MDFIC: variants seen among roughly 807,000 people sequenced by gnomAD.
MDFIC encodes the protein MyoD family inhibitor domain containing, also known as myoD family inhibitor domain-containing protein.
Under a neutral mutation model 23.2 loss-of-function variants are expected in MDFIC, and 17 were observed. That is an observed-to-expected ratio of 0.73 (90% CI 0.50 to 1.10). The LOEUF is 1.10. Ranked by LOEUF, MDFIC falls within the 50% of genes least tolerant of loss-of-function variation. The probability of loss-of-function intolerance (pLI) is 0.00; values close to 1 mark genes in which losing one functional copy is unlikely to be tolerated. For missense variants in MDFIC, 356 were observed against 316.6 expected (o/e 1.12, Z -0.95); for synonymous variants, 120 against 115.2 (o/e 1.04, Z -0.27).
chr7:114,940,070 T>C (rs1792508308), intron 2 of MDFIC, among the ~76,000 whole-genome samples: 1 of 152,220 alleles, frequency 6.6e-6, no homozygotes, highest in Non-Finnish European at 1.5e-5. Flanking sequence ...AAAGTAAAGA[T>C]TTTAATTGAA....
intron 3 of MDFIC, among the ~76,000 whole-genome samples, chr7:114,973,504 C>T (rs1404022231): frequency 1.3e-5 from 2 of 152,114 alleles, no homozygotes; most frequent in Non-Finnish European, 2.9e-5. Context: ...CATACCTGAA[C>T]CTAACTGCAA....
intron 4 of MDFIC, among the ~76,000 whole-genome samples, chr7:114,990,419 T>A (rs1471983963): frequency 1.3e-5 from 2 of 152,166 alleles, no homozygotes; most frequent in Admixed American, 1.3e-4. Flanking sequence ...GTTACATATG[T>A]CTACATGTGC....
At position 114,971,857 on chromosome 7, in the gene MDFIC, G is replaced by T. The variant is rs185546200; in HGVS notation, c.218-7649G>T. On this transcript the variant is annotated intron_variant, in intron 3 of 4. Transcript: ENST00000393486. Reference sequence around the variant, plus strand: ...GGATTTACTTTTCTATCACATCATAGTTTTTCTGAAAAGTGAAAGAAAATG... The same window carrying T: ...GGATTTACTTTTCTATCACATCATATTTTTTCTGAAAAGTGAAAGAAAATG... Among the ~76,000 whole-genome samples, 707 of 151,806 alleles carry T rather than the reference G, an allele frequency of 4.7e-3. 4 individuals are homozygous for T. The highest frequency in any genetic ancestry group is 0.015 in the African/African-American group (606 of 41,412).
chr7:115,019,915 GT>G (rs1791867492), exon 5 of MDFIC, among the ~76,000 whole-genome samples: 1 of 152,060 alleles, frequency 6.6e-6, no homozygotes, highest in South Asian at 2.1e-4. Flanking sequence ...TGCAGTGAGT[GT>G]TTTCTTTGTG....
At chr7:114,997,576 G>A (rs1791360624) in intron 4 of MDFIC, among the ~76,000 whole-genome samples, 2 of 141,732 alleles carry the variant, frequency 1.4e-5, no homozygotes, top group Non-Finnish European at 1.5e-5. Context: ...ATCTCTACAG[G>A]AAAAAAAAAA....
At chr7:115,003,671 G>A (rs1055591452) in intron 4 of MDFIC, among the ~76,000 whole-genome samples, 2 of 152,156 alleles carry the variant, frequency 1.3e-5, no homozygotes, top group Non-Finnish European at 2.9e-5. Flanking sequence ...ACAAAAATAT[G>A]GAGCCACTGG....
chr7:114,950,741 G>C (rs969586871), intron 3 of MDFIC, among the ~76,000 whole-genome samples: 8 of 152,228 alleles, frequency 5.3e-5, no homozygotes, highest in South Asian at 2.1e-4. Flanking sequence ...AATCAGAAAA[G>C]GCTGCATAAA....
At position 115,016,420 on chromosome 7, in the gene MDFIC, C is replaced by T; in HGVS notation, c.*485C>T. ...GGCCAAGGTGGGCAGATTGCCTGAGCTCAGGAGTTCGAGACCAGCCAGGGC... is the reference window on the plus strand; with the variant it reads ...GGCCAAGGTGGGCAGATTGCCTGAGTTCAGGAGTTCGAGACCAGCCAGGGC... On this transcript the variant is annotated 3_prime_UTR_variant, in exon 5 of 5. Transcript: ENST00000393486. 6.2e-6 allele frequency: 1 copy of T among 160,182 alleles called. No individual in the cohort carries two copies. Among genetic ancestry groups the T allele is most frequent in the Non-Finnish European group, 1.4e-5 (1 of 73,084 alleles). The allele number at this position is 160,182 out of a possible 1,614,324, so 9.9% of individuals were successfully genotyped here.
intron 4 of MDFIC, among the ~76,000 whole-genome samples, chr7:114,985,227 G>C (rs1034921473): frequency 2.0e-5 from 3 of 152,174 alleles, no homozygotes; most frequent in African/African-American, 2.4e-5. Flanking sequence ...TTGTTATGAA[G>C]AAGACTTGAA....
intron 4 of MDFIC, among the ~76,000 whole-genome samples, chr7:115,011,738 C>T (rs1388388811): frequency 6.6e-6 from 1 of 152,156 alleles, no homozygotes; most frequent in Non-Finnish European, 1.5e-5. Context: ...AATATTAATT[C>T]TCAAATGAAT....
At chr7:114,944,569 T>G (rs1316339201) in intron 3 of MDFIC, among the ~76,000 whole-genome samples, 2 of 152,206 alleles carry the variant, frequency 1.3e-5, no homozygotes, top group Non-Finnish European at 2.9e-5. Context: ...TGTATTGTGG[T>G]AGCTTCTGCT....
chr7:114,957,084 A>T (rs1563141999), intron 3 of MDFIC, among the ~76,000 whole-genome samples: 1 of 152,144 alleles, frequency 6.6e-6, no homozygotes. Context: ...GCTTTATAAT[A>T]TTACAAAAGA....
At chr7:115,010,067 AAGAACAGG>A (rs1791649876) in intron 4 of MDFIC, among the ~76,000 whole-genome samples, 1 of 124,444 alleles carries the variant, frequency 8.0e-6, no homozygotes, top group Non-Finnish European at 1.7e-5. Flanking sequence ...CTGAAATCTT[AAGAACAGG>A]GGAAAAAGAT....
chr7:114,993,769 C>G (rs1292556474), intron 4 of MDFIC, among the ~76,000 whole-genome samples: 2 of 152,206 alleles, frequency 1.3e-5, no homozygotes, highest in East Asian at 3.9e-4. Context: ...TTACTTCCAA[C>G]TATGTGGTCA....
At chr7:115,010,268 ATAAC>A (rs1791656124) in intron 4 of MDFIC, among the ~76,000 whole-genome samples, 1 of 152,194 alleles carries the variant, frequency 6.6e-6, no homozygotes, top group African/African-American at 2.4e-5. Flanking sequence ...AATAGGAACT[ATAAC>A]TACTGTTTCT....
At chr7:114,966,626 T>A (rs1793102451) in intron 3 of MDFIC, among the ~76,000 whole-genome samples, 1 of 152,152 alleles carries the variant, frequency 6.6e-6, no homozygotes, top group African/African-American at 2.4e-5. Context: ...AAGAACAGGT[T>A]GTTTGTGTCA....
intron 4 of MDFIC, among the ~76,000 whole-genome samples, chr7:115,007,100 G>C (rs1210073726): frequency 6.6e-6 from 1 of 152,104 alleles, no homozygotes; most frequent in Non-Finnish European, 1.5e-5. Context: ...TTGCCTTCTT[G>C]GTTCATTCTT....
intron 2 of MDFIC, among the ~76,000 whole-genome samples, chr7:114,925,773 C>G (rs1185617055): frequency 2.0e-5 from 3 of 152,170 alleles, no homozygotes; most frequent in Non-Finnish European, 4.4e-5. Context: ...TATGTATCAT[C>G]TCTCCATTTT....
In MDFIC at chr7:114,979,735, C is replaced by A. The variant is rs576597798; in HGVS notation, c.447C>A (p.Ser149Arg). 2 of 1,613,980 alleles carry A rather than the reference C, an allele frequency of 1.2e-6. No individual in the cohort carries two copies. Among genetic ancestry groups the A allele is most frequent in the African/African-American group, 1.3e-5 (1 of 74,924 alleles). ...LSVNSDISKK[S>R]KVNAVFSQKT... The stretch of plus-strand genomic sequence containing the variant: ...TAAACAGCGATATCAGTAAGAAGAG[C>A]AAAGTAAATGCTGTCTTTTCCCAAA... Residue 149 changes from serine to arginine, a missense_variant, in exon 4 of 5, where the codon AGC (serine) becomes AGA (arginine). Coordinates refer to ENST00000393486, the MANE Select transcript of MDFIC (RefSeq NM_001166345.3).
Sources: gnomAD v4.1 joint callset for allele counts (sites outside exome capture counted in the v4.1 genomes callset) on GRCh38, gnomAD v4.1.1 for gene constraint, MANE v1.5 for transcripts, NCBI Gene and HGNC (gene_info 2026-07-23, HGNC 2026-07-21) for gene names.